Variants in ADAM19 observed in about 807,000 individuals in gnomAD.
ADAM19 encodes disintegrin and metalloproteinase domain-containing protein 19.
ADAM19 carries 65 observed loss-of-function variants against 114.7 expected under a neutral mutation model. The ratio of observed to expected loss-of-function variants is 0.57; its 90% CI spans 0.46 to 0.70. The LOEUF (loss-of-function observed/expected upper bound fraction) is 0.70. Among genes scored for constraint, ADAM19 ranks in the 30% least tolerant of loss-of-function variants. The pLI, the probability that ADAM19 is intolerant of heterozygous loss-of-function variation, is 0.00. For synonymous variants in ADAM19, 466 were observed against 460.5 expected (o/e 1.01, Z -0.15); for missense variants, 1,063 against 1,204.7 (o/e 0.88, Z 1.74).
chr5:157,481,141 A>C, intron 22 of ADAM19, 139 bp from the exon 23 acceptor site: 1 of 1,115,894 alleles, frequency 9.0e-7, no homozygotes, highest in Non-Finnish European at 1.3e-6. Flanking sequence ...AAGTCCATCC[A>C]TGTGTCCACT....
intron 3 of ADAM19, among the ~76,000 whole-genome samples, chr5:157,551,607 G>C (rs1484123491): frequency 6.6e-6 from 1 of 151,310 alleles, no homozygotes; most frequent in Non-Finnish European, 1.5e-5. Context: ...AACAGCAAAG[G>C]ATACAATCAA....
At chr5:157,570,485 T>G (rs1757790996) in intron 2 of ADAM19, 1 of 161,516 alleles carries the variant, frequency 6.2e-6, no homozygotes, top group African/African-American at 2.4e-5. Context: ...ACGCTGCGTC[T>G]TATTAAAATA....
chr5:157,552,400 C>T lies in ADAM19; in HGVS notation c.251+11973G>A, dbSNP rs1231529652. Among the ~76,000 whole-genome samples the T allele has an allele frequency of 8.6e-5, 13 of 152,000 alleles. No homozygotes were observed. The South Asian group carries it at 2.7e-3, about 32-fold the overall frequency. Reference sequence around the variant, plus strand: ...GGCACGGTGGCTCATGCCTGTAATCCTAGCACTTTGGGAGGCTGAGGTGGG... The same window carrying T: ...GGCACGGTGGCTCATGCCTGTAATCTTAGCACTTTGGGAGGCTGAGGTGGG... On this transcript the variant is annotated intron_variant, in intron 3 of 22. Coordinates refer to ENST00000257527, the MANE Select transcript of ADAM19 (RefSeq NM_033274.5).
chr5:157,533,519 C>G (rs1000934539), intron 4 of ADAM19, among the ~76,000 whole-genome samples: 3 of 152,246 alleles, frequency 2.0e-5, no homozygotes, highest in Middle Eastern at 3.4e-3. Context: ...TAGAACTCAA[C>G]AGGGGAGCCA....
intron 15 of ADAM19, among the ~76,000 whole-genome samples, chr5:157,493,781 T>C (rs1455097034): frequency 6.6e-6 from 1 of 152,158 alleles, no homozygotes; most frequent in Non-Finnish European, 1.5e-5. Context: ...TGCTAAACTA[T>C]CCAGGCTAAT....
In ADAM19 at chr5:157,478,618, C is replaced by G; in HGVS notation, c.*2331G>C. ...GAAAAGGGGATGCATAATGGCCAGT[C>G]TTCCTCCTGGGCAGCCTCCCTGAAC... On this transcript the variant is annotated 3_prime_UTR_variant, in exon 23 of 23. Transcript: ENST00000257527. 1 of 985,850 alleles carries G rather than the reference C, an allele frequency of 1.0e-6. No individual in the cohort carries two copies. Among genetic ancestry groups the G allele is most frequent in the Non-Finnish European group, 1.2e-6 (1 of 829,928 alleles). 61.1% of individuals were successfully genotyped at this position (985,850 alleles called of 1,614,324 possible).
chr5:157,488,540 G>T, intron 20 of ADAM19, 51 bp from the exon 21 acceptor site: 1 of 1,420,190 alleles, frequency 7.0e-7, no homozygotes, highest in South Asian at 1.4e-5. Context: ...CTCAGGGCTG[G>T]CCTTGTGTGT....
chr5:157,525,608 A>T (rs1451083343), intron 5 of ADAM19, among the ~76,000 whole-genome samples: 1 of 151,916 alleles, frequency 6.6e-6, no homozygotes, highest in Non-Finnish European at 1.5e-5. Flanking sequence ...GGACTTAGCC[A>T]CCTTTTGGAT....
chr5:157,574,957 T>G (rs2113806694), intron 1 of ADAM19, among the ~76,000 whole-genome samples: 1 of 152,346 alleles, frequency 6.6e-6, no homozygotes, highest in East Asian at 1.9e-4. Flanking sequence ...GGGCAAGTCC[T>G]TTCCCTTTTG....
At chr5:157,572,086 C>G (rs1240868934) in intron 1 of ADAM19, among the ~76,000 whole-genome samples, 1 of 147,266 alleles carries the variant, frequency 6.8e-6, no homozygotes, top group African/African-American at 2.5e-5. Context: ...AGTAGGAGTC[C>G]TGTTTTTTTT....
At chr5:157,530,469 C>T (rs1036034036) in intron 5 of ADAM19, among the ~76,000 whole-genome samples, 8 of 152,232 alleles carry the variant, frequency 5.3e-5, no homozygotes, top group Non-Finnish European at 1.0e-4. Flanking sequence ...CTCCCCGTGC[C>T]GCCCCCCATG....
chr5:157,526,619 G>C (rs1244237502), intron 5 of ADAM19, among the ~76,000 whole-genome samples: 2 of 139,000 alleles, frequency 1.4e-5, no homozygotes, highest in Non-Finnish European at 3.1e-5. Flanking sequence ...CTTTTTATTG[G>C]TGTCATTTTT....
chr5:157,497,510 A>G (rs995128154), intron 13 of ADAM19, among the ~76,000 whole-genome samples: 2 of 152,130 alleles, frequency 1.3e-5, no homozygotes, highest in Admixed American at 1.3e-4. Context: ...GTAGGCTTAA[A>G]GAGGTTAGAC....
chr5:157,570,674 A>T, intron 2 of ADAM19: 1 of 474,918 alleles, frequency 2.1e-6, no homozygotes, highest in Non-Finnish European at 3.8e-6. Flanking sequence ...CATTAATGTG[A>T]ATTTTCATTT....
intron 3 of ADAM19, among the ~76,000 whole-genome samples, chr5:157,562,621 C>A (rs1757538071): frequency 6.6e-6 from 1 of 152,214 alleles, no homozygotes; most frequent in South Asian, 2.1e-4. Context: ...TCCAGACTCA[C>A]ACCAAGAATA....
intron 3 of ADAM19, among the ~76,000 whole-genome samples, chr5:157,538,322 A>G (rs1421466677): frequency 3.3e-5 from 5 of 151,622 alleles, no homozygotes; most frequent in African/African-American, 1.2e-4. Flanking sequence ...CCCGGGGCCT[A>G]TGAACCCTGT....
intron 2 of ADAM19, 35 bp from the exon 3 acceptor site, chr5:157,564,478 A>G: frequency 6.2e-7 from 1 of 1,603,410 alleles, no homozygotes; most frequent in Non-Finnish European, 8.5e-7. Context: ...CAGTTCCTAA[A>G]AGCCGGCACC....
chr5:157,557,143 C>T lies in ADAM19; in HGVS notation c.251+7230G>A, dbSNP rs542052799. 7.2e-5 allele frequency among the ~76,000 whole-genome samples: 11 copies of T among 152,140 alleles called. No homozygotes were observed. The South Asian group carries it at 8.3e-4, about 12-fold the overall frequency. ...GGCTGGTCTCGAACTCCTGGGCTCG[C>T]GTGATCCACCCGGCTCAGCCTCCCA... On this transcript the variant is annotated intron_variant, in intron 3 of 22. Transcript: ENST00000257527.
At position 157,497,087 on chromosome 5, in the gene ADAM19, C is replaced by A; in HGVS notation, c.1401G>T (p.Leu467=). 6.6e-7 allele frequency: 1 copy of A among 1,514,698 alleles called. No homozygotes were observed. The highest frequency in any genetic ancestry group is 8.8e-7 in the Non-Finnish European group (1 of 1,138,334). 93.8% of individuals were successfully genotyped at this position (1,514,698 alleles called of 1,614,324 possible). A position where few individuals can be genotyped will look rare whatever the true frequency, so the allele number is the denominator to read the frequency against. ...AHGSCCHQCK[L]LAPGTLCREQ... ...CGCGGCACAGGGTCCCAGGAGCCAA[C>A]AGCTGAGCCAAGGAATGAGAGGAAA... The change falls in exon 14 of 23, where the codon CTG becomes CTT. Residue 467 remains leucine, a splice_region_variant and synonymous_variant. Coordinates refer to ENST00000257527, the MANE Select transcript of ADAM19 (RefSeq NM_033274.5).
Sources: gnomAD v4.1 joint callset for allele counts (sites outside exome capture counted in the v4.1 genomes callset) on GRCh38, gnomAD v4.1.1 for gene constraint, MANE v1.5 for transcripts, NCBI Gene and HGNC (gene_info 2026-07-23, HGNC 2026-07-21) for gene names.